PRKCH: variants seen among roughly 807,000 people sequenced by gnomAD.
PRKCH encodes the protein protein kinase C eta, also known as protein kinase C eta type.
Under a neutral mutation model 82.5 loss-of-function variants are expected in PRKCH, and 28 were observed. That is an observed-to-expected ratio of 0.34 (90% CI 0.25 to 0.47). The LOEUF is 0.47. PRKCH is among the 20% of genes least tolerant of loss of function. The pLI, the probability that PRKCH is intolerant of heterozygous loss-of-function variation, is 1.00. For synonymous variants in PRKCH, 322 were observed against 327.4 expected (o/e 0.98, Z 0.18); for missense variants, 705 against 881.8 (o/e 0.80, Z 2.54).
intron 1 of PRKCH, among the ~76,000 whole-genome samples, chr14:61,335,019 A>T (rs1189636700): frequency 6.6e-6 from 1 of 151,982 alleles, no homozygotes; most frequent in Non-Finnish European, 1.5e-5. Context: ...TTTTATTTTA[A>T]TCTTTAACAA....
intron 1 of PRKCH, among the ~76,000 whole-genome samples, chr14:61,191,447 C>T (rs1346692370): frequency 6.6e-6 from 1 of 152,058 alleles, no homozygotes; most frequent in African/African-American, 2.4e-5. Flanking sequence ...CTGAGGTGGG[C>T]GGATCACTTG....
intron 9 of PRKCH, among the ~76,000 whole-genome samples, chr14:61,483,651 A>G (rs1218769036): frequency 1.3e-5 from 2 of 152,118 alleles, no homozygotes; most frequent in African/African-American, 4.8e-5. Context: ...CAGGCTTGCA[A>G]TGGGAGCTGA....
intron 1 of PRKCH, among the ~76,000 whole-genome samples, chr14:61,198,365 C>T (rs1205848641): frequency 1.3e-5 from 2 of 152,170 alleles, no homozygotes; most frequent in South Asian, 2.1e-4. Context: ...CTTCCATCCT[C>T]CATGCCTTAT....
chr14:61,434,712 A>G (rs1477605521), intron 2 of PRKCH, among the ~76,000 whole-genome samples: 3 of 152,190 alleles, frequency 2.0e-5, no homozygotes, highest in Non-Finnish European at 2.9e-5. Flanking sequence ...TTCACCTTGA[A>G]GAAGTCTACA....
At chr14:61,486,124 C>T (rs1886209069) in intron 10 of PRKCH, among the ~76,000 whole-genome samples, 1 of 152,120 alleles carries the variant, frequency 6.6e-6, no homozygotes, top group South Asian at 2.1e-4. Context: ...TTGGTTCAGC[C>T]CCAGTTTGCT....
intron 1 of PRKCH, among the ~76,000 whole-genome samples, chr14:61,328,409 C>T (rs986116555): frequency 1.8e-4 from 22 of 124,702 alleles, no homozygotes; most frequent in African/African-American, 5.0e-4. Context: ...TACGTTATAA[C>T]GTTTTTCACT....
At chr14:61,296,927 A>G (rs1289677381) in intron 1 of PRKCH, among the ~76,000 whole-genome samples, 1 of 152,260 alleles carries the variant, frequency 6.6e-6, no homozygotes, top group East Asian at 1.9e-4. Context: ...TCTATGCAAT[A>G]TGATCATTTG....
chr14:61,272,658 T>C (rs1343430225), intron 1 of PRKCH, among the ~76,000 whole-genome samples: 1 of 152,166 alleles, frequency 6.6e-6, no homozygotes, highest in Non-Finnish European at 1.5e-5. Context: ...GCCTGGCCCA[T>C]AGATTTAATT....
At position 61,280,473 on chromosome 14, in the gene PRKCH, G is replaced by T; in HGVS notation, c.-19+92805G>T. 1 of 1,613,340 alleles carries T rather than the reference G, an allele frequency of 6.2e-7. No homozygotes were observed. The highest frequency in any genetic ancestry group is 1.1e-5 in the South Asian group (1 of 91,042). On this transcript the variant is annotated intron_variant, in intron 1 of 3. Transcript: ENST00000555185. This position sits in a 1 kb window ranked among gnomAD's most constrained non-coding sequence, Gnocchi z 5.0. ...AGACTGGCCGGCGCCAGTTGGGCGG[G>T]GGCGCCGTGCCCTGGAAGGCCAACG...
At chr14:61,267,538 A>T (rs1789398702) in intron 1 of PRKCH, among the ~76,000 whole-genome samples, 1 of 152,204 alleles carries the variant, frequency 6.6e-6, no homozygotes, top group Non-Finnish European at 1.5e-5. Context: ...TCCAATAATT[A>T]TAGTGAGATG....
intron 10 of PRKCH, among the ~76,000 whole-genome samples, chr14:61,499,724 G>A (rs1044741458): frequency 8.6e-5 from 13 of 151,012 alleles, no homozygotes; most frequent in African/African-American, 3.2e-4. Flanking sequence ...CTGCCGAGCA[G>A]TCATTTTTTT....
At chr14:61,355,205 G>A (rs1315110397) in intron 1 of PRKCH, among the ~76,000 whole-genome samples, 1 of 152,096 alleles carries the variant, frequency 6.6e-6, no homozygotes, top group Non-Finnish European at 1.5e-5. Context: ...AGCAGAAATG[G>A]GCTTGTCTTA....
chr14:61,250,970 A>G (rs533591202), intron 1 of PRKCH, among the ~76,000 whole-genome samples: 41 of 152,272 alleles, frequency 2.7e-4, no homozygotes, highest in African/African-American at 9.9e-4. Flanking sequence ...TGGATCTTTT[A>G]AACATTTGAT....
At chr14:61,250,310 A>C (rs1008637796) in intron 1 of PRKCH, among the ~76,000 whole-genome samples, 13 of 152,228 alleles carry the variant, frequency 8.5e-5, no homozygotes, top group African/African-American at 2.4e-4. Flanking sequence ...TAGCAGCTTT[A>C]TTCATAATTG....
At chr14:61,228,877 T>A (rs1307735292) in intron 1 of PRKCH, among the ~76,000 whole-genome samples, 2 of 151,438 alleles carry the variant, frequency 1.3e-5, no homozygotes, top group African/African-American at 4.8e-5. Flanking sequence ...CCTCTCCCTT[T>A]AAAAAAAATT....
intron 3 of PRKCH, among the ~76,000 whole-genome samples, chr14:61,444,671 G>A (rs1884135474): frequency 6.6e-6 from 1 of 152,082 alleles, no homozygotes; most frequent in African/African-American, 2.4e-5. Flanking sequence ...TAATATATAT[G>A]GCTAAGAGTA....
Position 61,197,208 on chromosome 14 carries a change from A to G in PRKCH, c.-19+9540A>G, listed in dbSNP as rs557009729. On this transcript the variant is annotated intron_variant, in intron 1 of 3. Transcript: ENST00000555185. ...TTTTCATCTCCTTTGAAATTTGACAATGTTCAAAACAATATAAATAAAAGG... is the reference window on the plus strand; with the variant it reads ...TTTTCATCTCCTTTGAAATTTGACAGTGTTCAAAACAATATAAATAAAAGG... 2.5e-4 allele frequency among the ~76,000 whole-genome samples: 38 copies of G among 152,292 alleles called. No individual in the cohort carries two copies. The East Asian group carries it at 4.4e-3, about 18-fold the overall frequency.
intron 1 of PRKCH, among the ~76,000 whole-genome samples, chr14:61,247,626 C>T (rs560049715): frequency 4.0e-4 from 59 of 146,778 alleles, no homozygotes; most frequent in African/African-American, 1.4e-3. Flanking sequence ...ATCCCAGCTA[C>T]TTGGGAGGCT....
intron 2 of PRKCH, among the ~76,000 whole-genome samples, chr14:61,413,534 AC>A (rs1882394902): frequency 6.6e-6 from 1 of 151,466 alleles, no homozygotes; most frequent in African/African-American, 2.4e-5. Context: ...CTGCATTCCC[AC>A]CCATCCTGAG....
Sources: gnomAD v4.1 joint callset for allele counts (sites outside exome capture counted in the v4.1 genomes callset) on GRCh38, gnomAD v4.1.1 for gene constraint, Gnocchi (gnomAD v3.1) non-coding constraint, MANE v1.5 for transcripts, NCBI Gene and HGNC (gene_info 2026-07-23, HGNC 2026-07-21) for gene names.